Variants in ARL6IP6 observed in about 807,000 individuals in gnomAD.
ARL6IP6 encodes ADP-ribosylation factor-like protein 6-interacting protein 6.
Under a neutral mutation model 21.5 loss-of-function variants are expected in ARL6IP6, and 22 were observed. The ratio of observed to expected loss-of-function variants is 1.02; its 90% confidence interval spans 0.73 to 1.46. The LOEUF is 1.46. Ranked by LOEUF, ARL6IP6 falls within the 40% of genes most tolerant of loss-of-function variation. The pLI, the probability that ARL6IP6 is intolerant of heterozygous loss-of-function variation, is 0.00. For missense variants in ARL6IP6, 388 were observed against 299.8 expected (o/e 1.29, Z -2.17); for synonymous variants, 164 against 125.3 (o/e 1.31, Z -2.06).
rs1178489475 is a variant in ARL6IP6, at chr2:152,761,717, T to A, written c.*1877T>A. 2.0e-5 allele frequency among the ~76,000 whole-genome samples: 3 copies of A among 152,184 alleles called. No homozygotes were observed. In the East Asian group the frequency reaches 5.8e-4, roughly 29 times the overall value. On this transcript the variant is annotated 3_prime_UTR_variant, in exon 4 of 4. Coordinates refer to ENST00000326446, the MANE Select transcript of ARL6IP6 (RefSeq NM_152522.7). ...TGTTACAGTTGCCTGCAATATTCAGTACAGTAACATGCAGTACAGGTTTAT... is the reference window on the plus strand; with the variant it reads ...TGTTACAGTTGCCTGCAATATTCAGAACAGTAACATGCAGTACAGGTTTAT...
intron 2 of ARL6IP6, among the ~76,000 whole-genome samples, chr2:152,722,879 T>G (rs138011948): frequency 7.6e-4 from 115 of 152,226 alleles, no homozygotes; most frequent in Non-Finnish European, 1.0e-4. Flanking sequence ...CTGCATTCCA[T>G]CCTCAGCAAC....
In ARL6IP6 at chr2:152,759,934, A is replaced by G. The variant is rs1368323715; in HGVS notation, c.*94A>G. On this transcript the variant is annotated 3_prime_UTR_variant, in exon 4 of 4. Transcript: ENST00000326446. ...CACTGTCTACTCAGAAGACTGAGAA[A>G]CCTGCTGTTCATTATGTAGTTCAGA... 3 of 1,010,076 alleles carry G rather than the reference A, an allele frequency of 3.0e-6. No homozygotes were observed. Among genetic ancestry groups the G allele is most frequent in the Non-Finnish European group, 3.1e-6 (2 of 645,148 alleles). The allele number at this position is 1,010,076 out of a possible 1,614,324, so 62.6% of individuals were successfully genotyped here.
chr2:152,737,114 C>G (rs1700588323), intron 3 of ARL6IP6, among the ~76,000 whole-genome samples: 1 of 152,174 alleles, frequency 6.6e-6, no homozygotes, highest in African/African-American at 2.4e-5. Context: ...CCAAATGACC[C>G]TACCCTACTT....
intron 3 of ARL6IP6, among the ~76,000 whole-genome samples, chr2:152,744,549 G>T (rs1700961228): frequency 6.6e-6 from 1 of 152,112 alleles, no homozygotes; most frequent in Admixed American, 6.5e-5. Flanking sequence ...AAGGTAAAGA[G>T]TGGTGTCTTT....
intron 3 of ARL6IP6, among the ~76,000 whole-genome samples, chr2:152,745,047 AGT>A (rs1456003659): frequency 1.3e-5 from 2 of 152,106 alleles, no homozygotes; most frequent in African/African-American, 2.4e-5. Context: ...TGTGTGTGAG[AGT>A]GTGTTGTTAA....
At chr2:152,739,561 C>G (rs979002153) in intron 3 of ARL6IP6, among the ~76,000 whole-genome samples, 2 of 152,130 alleles carry the variant, frequency 1.3e-5, no homozygotes, top group African/African-American at 4.8e-5. Flanking sequence ...AGCCATTCAG[C>G]AAGTCTCTAG....
chr2:152,759,748 A>T lies in ARL6IP6; in HGVS notation c.589A>T (p.Lys197Ter). The T allele has an allele frequency of 6.2e-7, 1 of 1,611,986 alleles. No homozygotes were observed. Among genetic ancestry groups the T allele is most frequent in the Non-Finnish European group, 8.5e-7 (1 of 1,178,516 alleles). ...ATTTGTGTTTTTCTTTTTTTCTAGG[A>T]AACTGACTGGACATTCTTTCCACAT... ...PTPLSPARFK[K>*]LTGHSFHMGY... Residue 197 changes from lysine (K) to a stop codon, truncating the protein, a stop_gained and splice_region_variant, in exon 4 of 4, where the codon AAA (lysine) becomes TAA (stop). Coordinates refer to ENST00000326446, the MANE Select transcript of ARL6IP6 (RefSeq NM_152522.7). LOFTEE classifies it high-confidence loss of function.
intron 2 of ARL6IP6, among the ~76,000 whole-genome samples, chr2:152,724,697 A>G (rs746474644): frequency 6.6e-6 from 1 of 152,220 alleles, no homozygotes; most frequent in East Asian, 1.9e-4. Context: ...AATGAAGTCA[A>G]AAGTTAGCTG....
In ARL6IP6 at chr2:152,759,797, AT is replaced by A. The variant is rs1701749399; in HGVS notation, c.639del (p.Asn213LysfsTer4). On this transcript the variant is annotated frameshift_variant, in exon 4 of 4. Coordinates refer to ENST00000326446, the MANE Select transcript of ARL6IP6 (RefSeq NM_152522.7). LOFTEE classifies it high-confidence loss of function. The stretch of plus-strand genomic sequence containing the variant: ...ATGGGCTATAGCATGGCGATTTTGA[AT>A]GGCATCGTAGCTGCTCTTACTGTAG... The part of the protein sequence containing the change: ...FHMGYSMAIL[N>X]GIVAALTVAW... 1.2e-6 allele frequency: 2 copies of A among 1,613,454 alleles called. No homozygotes were observed. Among genetic ancestry groups the A allele is most frequent in the African/African-American group, 1.3e-5 (1 of 74,872 alleles).
intron 3 of ARL6IP6, among the ~76,000 whole-genome samples, chr2:152,741,857 A>C (rs1248304538): frequency 6.6e-6 from 1 of 152,230 alleles, no homozygotes; most frequent in Admixed American, 6.5e-5. Context: ...TAAACTTGTC[A>C]ATTAGTAAGC....
chr2:152,724,202 T>C (rs1212266895), intron 2 of ARL6IP6, among the ~76,000 whole-genome samples: 1 of 152,008 alleles, frequency 6.6e-6, no homozygotes, highest in African/African-American at 2.4e-5. Context: ...TGATTGGTTG[T>C]ATTTATTATT....
chr2:152,753,366 C>T (rs1701427967), intron 3 of ARL6IP6, among the ~76,000 whole-genome samples: 1 of 152,184 alleles, frequency 6.6e-6, no homozygotes, highest in African/African-American at 2.4e-5. Context: ...CACCACCACC[C>T]ACATACATAC....
At chr2:152,730,412 A>G (rs1301879609) in intron 2 of ARL6IP6, among the ~76,000 whole-genome samples, 15 of 152,220 alleles carry the variant, frequency 9.9e-5, no homozygotes, top group Non-Finnish European at 1.8e-4. Flanking sequence ...GAAGTATGTT[A>G]AACTTTGAGT....
chr2:152,717,842 A>C (rs549563240), upstream of ARL6IP6: 5 of 1,104,550 alleles, frequency 4.5e-6, no homozygotes, highest in Non-Finnish European at 5.6e-6. Context: ...TGAGGCCGCC[A>C]GGGGTAGGGT....
intron 2 of ARL6IP6, among the ~76,000 whole-genome samples, chr2:152,730,080 C>T (rs528765134): frequency 1.3e-5 from 2 of 152,070 alleles, no homozygotes; most frequent in African/African-American, 2.4e-5. Context: ...CTTTTTTTAC[C>T]CCTATCATTG....
intron 3 of ARL6IP6, among the ~76,000 whole-genome samples, chr2:152,743,114 T>G (rs964149168): frequency 8.2e-5 from 2 of 24,456 alleles, no homozygotes; most frequent in African/African-American, 1.5e-4. Flanking sequence ...ACTTTCTCTG[T>G]CTTTTCCATT....
chr2:152,737,363 C>G (rs1358403231), intron 3 of ARL6IP6, among the ~76,000 whole-genome samples: 1 of 152,080 alleles, frequency 6.6e-6, no homozygotes, highest in Admixed American at 6.6e-5. Context: ...TGTTAAAGAT[C>G]TGCTATTCTG....
chr2:152,745,795 T>C (rs2105160533), intron 3 of ARL6IP6, among the ~76,000 whole-genome samples: 1 of 152,264 alleles, frequency 6.6e-6, no homozygotes, highest in African/African-American at 2.4e-5. Context: ...TACAGTGCTG[T>C]CACTATTAAT....
intron 2 of ARL6IP6, among the ~76,000 whole-genome samples, chr2:152,721,833 G>T (rs1699806921): frequency 6.6e-6 from 1 of 152,236 alleles, no homozygotes; most frequent in African/African-American, 2.4e-5. Context: ...TTGCAAAGAA[G>T]TTGGTTTCTT....
Sources: gnomAD v4.1 joint callset for allele counts (sites outside exome capture counted in the v4.1 genomes callset) on GRCh38, gnomAD v4.1.1 for gene constraint, MANE v1.5 for transcripts, NCBI Gene and HGNC (gene_info 2026-07-23, HGNC 2026-07-21) for gene names.